The following COL15A1 variants were observed in gnomAD, a reference collection of about 807,000 sequenced individuals.
The protein encoded by COL15A1 is collagen type XV alpha 1 chain.
COL15A1 carries 111 observed loss-of-function variants against 165.9 expected under a neutral mutation model. That is an observed-to-expected ratio of 0.67 (90% CI 0.57 to 0.78). COL15A1 has a LOEUF of 0.78. Among genes scored for constraint, COL15A1 ranks in the 30% least tolerant of loss-of-function variants. The pLI is 0.00. For missense variants in COL15A1, 1,745 were observed against 1,789.7 expected (o/e 0.98, Z 0.45); for synonymous variants, 659 against 674.8 (o/e 0.98, Z 0.36).
intron 26 of COL15A1, among the ~76,000 whole-genome samples, chr9:99,046,318 C>T (rs1839491173): frequency 6.6e-6 from 1 of 152,196 alleles, no homozygotes; most frequent in South Asian, 2.1e-4. Context: ...AGACCATGCA[C>T]CAGCATCACT....
chr9:98,968,469 T>G (rs1837992067), intron 2 of COL15A1, among the ~76,000 whole-genome samples: 1 of 152,204 alleles, frequency 6.6e-6, no homozygotes, highest in Non-Finnish European at 1.5e-5. Flanking sequence ...AATCCTTGGC[T>G]TGTGTCCACT....
At chr9:98,970,931 G>A (rs1838038797) in intron 2 of COL15A1, among the ~76,000 whole-genome samples, 1 of 152,160 alleles carries the variant, frequency 6.6e-6, no homozygotes, top group African/African-American at 2.4e-5. Context: ...ATGTGTATGA[G>A]TGTGTGTTAT....
At chr9:99,000,481 A>G (rs1026872378) in intron 6 of COL15A1, among the ~76,000 whole-genome samples, 2 of 152,132 alleles carry the variant, frequency 1.3e-5, no homozygotes, top group African/African-American at 4.8e-5. Context: ...ACATTTATCA[A>G]TTGCTTACTA....
Position 98,989,326 on chromosome 9 carries a change from G to T in COL15A1, c.804+68G>T, listed in dbSNP as rs559359232. On this transcript the variant is annotated intron_variant, in intron 5 of 41. Coordinates refer to ENST00000375001, the MANE Select transcript of COL15A1 (RefSeq NM_001855.5). ...TAGCAGGCTGAGAATTACTAGAGGG[G>T]GCCCAGAGTCCTGGGTCTGACCTCT... The T allele has an allele frequency of 2.8e-5, 36 of 1,292,120 alleles. No individual in the cohort carries two copies. The Middle Eastern group carries it at 7.6e-4, about 27-fold the overall frequency. 80.0% of individuals were successfully genotyped at this position (1,292,120 alleles called of 1,614,324 possible). A position where few individuals can be genotyped will look rare whatever the true frequency, so the allele number is the denominator to read the frequency against.
chr9:99,059,365 G>C (rs909483556), intron 35 of COL15A1, among the ~76,000 whole-genome samples: 2 of 151,652 alleles, frequency 1.3e-5, no homozygotes, highest in Admixed American at 6.6e-5. Context: ...CTGTTTCCTC[G>C]AGATCACACA....
chr9:99,070,388 T>C lies in COL15A1; in HGVS notation c.*502T>C. ...CACAGAAACAGGACTGCTCAAATGA[T>C]CCTATTTGTATTTTCTGATGCTATC... On this transcript the variant is annotated 3_prime_UTR_variant, in exon 42 of 42. Coordinates refer to ENST00000375001, the MANE Select transcript of COL15A1 (RefSeq NM_001855.5). The C allele has an allele frequency of 3.6e-6, 1 of 275,208 alleles. No individual in the cohort carries two copies. Among genetic ancestry groups the C allele is most frequent in the South Asian group, 3.2e-5 (1 of 31,220 alleles). 17.0% of individuals were successfully genotyped at this position (275,208 alleles called of 1,614,324 possible). A position where few individuals can be genotyped will look rare whatever the true frequency, so the allele number is the denominator to read the frequency against.
intron 35 of COL15A1, among the ~76,000 whole-genome samples, chr9:99,058,842 TG>T (rs1465848292): frequency 6.6e-6 from 1 of 152,120 alleles, no homozygotes; most frequent in African/African-American, 2.4e-5. Flanking sequence ...GCCACCTGTG[TG>T]TGGGTGTTCA....
intron 26 of COL15A1, 84 bp downstream of exon 26, chr9:99,044,854 C>T (rs766296469): frequency 4.7e-5 from 61 of 1,307,466 alleles, no homozygotes; most frequent in Middle Eastern, 2.0e-4. Flanking sequence ...TTAGTTGTCC[C>T]GGTTATGAAA....
intron 5 of COL15A1, among the ~76,000 whole-genome samples, chr9:98,994,456 A>G (rs1838509775): frequency 6.6e-6 from 1 of 152,024 alleles, no homozygotes; most frequent in South Asian, 2.1e-4. Context: ...TCCAGTCCAC[A>G]TCCTCTCCTT....
At chr9:98,985,449 A>T in intron 2 of COL15A1, 116 bp from the exon 3 acceptor site, 2 of 1,029,084 alleles carry the variant, frequency 1.9e-6, no homozygotes, top group South Asian at 1.7e-5. Flanking sequence ...TTTAGGAACT[A>T]CAGTTTCAGT....
At chr9:99,058,587 G>A (rs1825763285) in intron 35 of COL15A1, among the ~76,000 whole-genome samples, 1 of 152,196 alleles carries the variant, frequency 6.6e-6, no homozygotes, top group African/African-American at 2.4e-5. Flanking sequence ...CATTGAGCAA[G>A]GATTGCTTCT....
At chr9:98,949,909 T>C (rs1390539665) in intron 2 of COL15A1, among the ~76,000 whole-genome samples, 1 of 152,244 alleles carries the variant, frequency 6.6e-6, no homozygotes, top group East Asian at 1.9e-4. Context: ...TTGCCTATTC[T>C]AGATATTTCA....
intron 9 of COL15A1, among the ~76,000 whole-genome samples, chr9:99,006,237 A>T (rs1224148191): frequency 6.6e-6 from 1 of 152,266 alleles, no homozygotes; most frequent in Admixed American, 6.5e-5. Context: ...ATTGTAGTTG[A>T]TAATGAACTT....
At chr9:99,038,445 T>C (rs1839343115) in intron 21 of COL15A1, among the ~76,000 whole-genome samples, 2 of 152,214 alleles carry the variant, frequency 1.3e-5, no homozygotes, top group Admixed American at 1.3e-4. Context: ...CATTCGTATA[T>C]TGTGTGATTT....
chr9:98,991,292 T>C (rs1838425672), intron 5 of COL15A1, among the ~76,000 whole-genome samples: 1 of 152,158 alleles, frequency 6.6e-6, no homozygotes, highest in South Asian at 2.1e-4. Flanking sequence ...TGGCCCATTT[T>C]ACAGAGAGCT....
At chr9:99,000,053 T>C (rs529655514) in intron 6 of COL15A1, among the ~76,000 whole-genome samples, 1 of 152,242 alleles carries the variant, frequency 6.6e-6, no homozygotes, top group South Asian at 2.1e-4. Context: ...GTATTTTTAG[T>C]AGAGATGGGG....
At chr9:99,051,634 G>C (rs1839589674) in intron 30 of COL15A1, among the ~76,000 whole-genome samples, 1 of 152,136 alleles carries the variant, frequency 6.6e-6, no homozygotes, top group Non-Finnish European at 1.5e-5. Context: ...TTTCCTGGTA[G>C]ATTTCCTCCC....
At chr9:99,055,469 A>G (rs1825708883) in intron 34 of COL15A1, 97 bp downstream of exon 34, 2 of 739,482 alleles carry the variant, frequency 2.7e-6, no homozygotes, top group Non-Finnish European at 4.7e-6. Context: ...TCATTGTACT[A>G]TAAGCTGGAG....
chr9:99,049,986 C>T (rs1399540925), intron 30 of COL15A1, 91 bp downstream of exon 30: 1 of 1,534,662 alleles, frequency 6.5e-7, no homozygotes, highest in South Asian at 1.1e-5. Flanking sequence ...CCCTTTCTAT[C>T]CTCAAATGTC....
Sources: gnomAD v4.1 joint callset for allele counts (sites outside exome capture counted in the v4.1 genomes callset) on GRCh38, gnomAD v4.1.1 for gene constraint, MANE v1.5 for transcripts, NCBI Gene and HGNC (gene_info 2026-07-23, HGNC 2026-07-21) for gene names.